Variants in DLG1 observed in about 807,000 individuals in gnomAD.
The protein encoded by DLG1 is disks large homolog 1.
A neutral mutation model predicts 123.4 loss-of-function variants in DLG1; 42 were observed. That is an observed-to-expected ratio of 0.34 (90% CI 0.27 to 0.44). DLG1 has a LOEUF of 0.44. Among genes scored for constraint, DLG1 ranks in the 20% least tolerant of loss-of-function variants. The probability of loss-of-function intolerance (pLI) is 1.00; values close to 1 mark genes in which losing one functional copy is unlikely to be tolerated. For missense variants in DLG1, 942 were observed against 1,082.6 expected (o/e 0.87, Z 1.82); for synonymous variants, 317 against 356.2 (o/e 0.89, Z 1.24).
At chr3:197,242,184 TA>T (rs530337481) in intron 4 of DLG1, among the ~76,000 whole-genome samples, 7 of 151,470 alleles carry the variant, frequency 4.6e-5, no homozygotes, top group Admixed American at 4.0e-4. Flanking sequence ...TCAAAGACTG[TA>T]AAAAAAAGAC....
chr3:197,212,570 A>G (rs576650780), intron 4 of DLG1, among the ~76,000 whole-genome samples: 1 of 152,332 alleles, frequency 6.6e-6, no homozygotes, highest in South Asian at 2.1e-4. Flanking sequence ...CTTGGCTTAC[A>G]GATGCATCAC....
At chr3:197,235,992 G>A (rs1224079856) in intron 4 of DLG1, among the ~76,000 whole-genome samples, 1 of 152,110 alleles carries the variant, frequency 6.6e-6, no homozygotes, top group Non-Finnish European at 1.5e-5. Flanking sequence ...TGTCAACCCA[G>A]AATTTTTTTC....
chr3:197,134,509 T>A (rs1784181336), intron 10 of DLG1, among the ~76,000 whole-genome samples: 1 of 151,766 alleles, frequency 6.6e-6, no homozygotes, highest in Non-Finnish European at 1.5e-5. Context: ...TAAAATAGAT[T>A]TTTAAAAACC....
At chr3:197,115,425 AC>A (rs1772688537) in intron 13 of DLG1, among the ~76,000 whole-genome samples, 1 of 152,138 alleles carries the variant, frequency 6.6e-6, no homozygotes, top group South Asian at 2.1e-4. Context: ...CTAGGGTAAA[AC>A]CACTATTATA....
At chr3:197,235,935 A>G (rs73210558) in intron 4 of DLG1, among the ~76,000 whole-genome samples, 3,319 of 152,308 alleles carry the variant, frequency 0.022, 50 homozygotes, top group South Asian at 0.093. Context: ...AACCAATAAA[A>G]ACATACCAAA....
intron 13 of DLG1, among the ~76,000 whole-genome samples, chr3:197,108,470 C>T (rs1410775660): frequency 6.6e-6 from 1 of 152,068 alleles, no homozygotes; most frequent in Non-Finnish European, 1.5e-5. Context: ...ATTCAATTTC[C>T]TTGTTTTAAA....
intron 5 of DLG1, among the ~76,000 whole-genome samples, chr3:197,173,681 T>C (rs1324187574): frequency 6.6e-6 from 1 of 152,222 alleles, no homozygotes; most frequent in African/African-American, 2.4e-5. Context: ...GCAAACATTT[T>C]TGGAAATGAC....
At chr3:197,102,960 T>C (rs780531619) in intron 14 of DLG1, among the ~76,000 whole-genome samples, 32 of 152,234 alleles carry the variant, frequency 2.1e-4, no homozygotes, top group Non-Finnish European at 3.5e-4. Flanking sequence ...AGGACATTTT[T>C]ACAGGTTTTA....
At chr3:197,055,404 G>A (rs776547679) in intron 23 of DLG1, among the ~76,000 whole-genome samples, 3 of 152,022 alleles carry the variant, frequency 2.0e-5, no homozygotes, top group Admixed American at 6.6e-5. Flanking sequence ...CTGTTTCTTC[G>A]TATGTCTTGT....
At position 197,266,919 on chromosome 3, in the gene DLG1, C is replaced by T. The variant is rs115914073; in HGVS notation, c.318+15760G>A. Reference sequence around the variant, plus strand: ...ATTTGCAGAAATAATTGGTGAAAAACGTCTAAAGTAGGTAAAAACTATAAA... The same window carrying T: ...ATTTGCAGAAATAATTGGTGAAAAATGTCTAAAGTAGGTAAAAACTATAAA... On this transcript the variant is annotated intron_variant, in intron 4 of 24. Coordinates refer to ENST00000667157, the MANE Select transcript of DLG1 (RefSeq NM_001366207.1). Among the ~76,000 whole-genome samples the T allele has an allele frequency of 9.7e-3, 1,472 of 152,150 alleles. 18 individuals are homozygous for T. Among genetic ancestry groups the T allele is most frequent in the African/African-American group, 0.03 (1,236 of 41,484 alleles).
chr3:197,266,707 G>A (rs1213766546), intron 4 of DLG1, among the ~76,000 whole-genome samples: 1 of 151,940 alleles, frequency 6.6e-6, no homozygotes, highest in African/African-American at 2.4e-5. Flanking sequence ...GAGATTAATA[G>A]TATACTAGAT....
intron 5 of DLG1, among the ~76,000 whole-genome samples, chr3:197,150,871 A>T (rs1250594843): frequency 6.6e-6 from 1 of 152,110 alleles, no homozygotes; most frequent in African/African-American, 2.4e-5. Context: ...ATTAAACAGT[A>T]TGCATTTGGG....
At chr3:197,072,917 G>A (rs890648631) in intron 18 of DLG1, among the ~76,000 whole-genome samples, 1 of 152,090 alleles carries the variant, frequency 6.6e-6, no homozygotes, top group African/African-American at 2.4e-5. Context: ...GGCTGGTCTC[G>A]AATTCCTGAC....
At chr3:197,073,803 A>AT (rs557496759) in intron 18 of DLG1, among the ~76,000 whole-genome samples, 51 of 149,356 alleles carry the variant, frequency 3.4e-4, no homozygotes, top group Admixed American at 6.7e-4. Context: ...GCAGATATAC[A>AT]TTTTTTTTTT....
intron 10 of DLG1, among the ~76,000 whole-genome samples, chr3:197,134,472 CAAAAAAAAAAA>C (rs11319273): frequency 1.0e-5 from 1 of 96,578 alleles, no homozygotes; most frequent in African/African-American, 3.9e-5. Context: ...TTCATAATAC[CAAAAAAAAAAA>C]AAAAAAAAAA....
At chr3:197,234,867 G>A (rs994851362) in intron 4 of DLG1, among the ~76,000 whole-genome samples, 14 of 152,098 alleles carry the variant, frequency 9.2e-5, no homozygotes, top group East Asian at 3.9e-4. Context: ...AAAAAGTCAC[G>A]TCAAAAGTTA....
intron 5 of DLG1, among the ~76,000 whole-genome samples, chr3:197,184,536 T>A (rs1264311896): frequency 6.6e-6 from 1 of 152,234 alleles, no homozygotes; most frequent in Non-Finnish European, 1.5e-5. Flanking sequence ...ACAAATGGAT[T>A]TTCCTTTATC....
At chr3:197,170,548 C>T (rs959193526) in intron 5 of DLG1, among the ~76,000 whole-genome samples, 1 of 152,034 alleles carries the variant, frequency 6.6e-6, no homozygotes, top group Admixed American at 6.6e-5. Flanking sequence ...CACTTTTGAA[C>T]AGTGTCTGTT....
intron 4 of DLG1, among the ~76,000 whole-genome samples, chr3:197,267,574 C>CTTTTCTTCT (rs397739803): frequency 1.3e-5 from 2 of 151,604 alleles, no homozygotes; most frequent in Admixed American, 6.6e-5. Context: ...TTTTTTCTTC[C>CTTTTCTTCT]CATTCCCAAT....
Sources: gnomAD v4.1 joint callset for allele counts (sites outside exome capture counted in the v4.1 genomes callset) on GRCh38, gnomAD v4.1.1 for gene constraint, MANE v1.5 for transcripts, NCBI Gene and HGNC (gene_info 2026-07-23, HGNC 2026-07-21) for gene names.